ARHGAP42: variants seen among roughly 807,000 people sequenced by gnomAD.
ARHGAP42 encodes the protein rho GTPase-activating protein 42.
ARHGAP42 carries 63 observed loss-of-function variants against 125.0 expected under a neutral mutation model. The ratio of observed to expected loss-of-function variants is 0.50; its 90% confidence interval spans 0.41 to 0.62. The LOEUF is 0.62. ARHGAP42 is among the 20% of genes least tolerant of loss of function. The pLI is 0.00. For missense variants in ARHGAP42, 766 were observed against 1,024.2 expected, an observed-to-expected ratio of 0.75 and a Z score of 3.44; for synonymous variants, 339 against 351.0, an observed-to-expected ratio of 0.97 and a Z score of 0.38.
At chr11:100,910,034 G>T (rs1866866382) in intron 4 of ARHGAP42, among the ~76,000 whole-genome samples, 1 of 152,104 alleles carries the variant, frequency 6.6e-6, no homozygotes, top group Non-Finnish European at 1.5e-5. Flanking sequence ...GTTATTGTTG[G>T]TAAGTAATAA....
At chr11:100,752,116 T>C (rs1338958168) in intron 1 of ARHGAP42, among the ~76,000 whole-genome samples, 2 of 152,052 alleles carry the variant, frequency 1.3e-5, no homozygotes, top group African/African-American at 4.8e-5. Context: ...GAAATGTTGA[T>C]GTTCCAACCA....
chr11:100,872,522 A>G (rs1378800248), intron 4 of ARHGAP42, among the ~76,000 whole-genome samples: 1 of 151,956 alleles, frequency 6.6e-6, no homozygotes, highest in African/African-American at 2.4e-5. Context: ...CAGCTTCCCA[A>G]GTAGCTGGTA....
intron 1 of ARHGAP42, among the ~76,000 whole-genome samples, chr11:100,718,274 C>T (rs1861700460): frequency 6.6e-6 from 1 of 152,132 alleles, no homozygotes; most frequent in Non-Finnish European, 1.5e-5. Context: ...ACTTGGCCAG[C>T]CCCATTGTGA....
chr11:100,751,619 T>G, intron 1 of ARHGAP42, among the ~76,000 whole-genome samples: 1 of 151,542 alleles, frequency 6.6e-6, no homozygotes. Context: ...TTGACAGAGG[T>G]AGCAGCTGGG....
chr11:100,931,715 T>G lies in ARHGAP42; in HGVS notation c.598-1441T>G, dbSNP rs142353399. Among the ~76,000 whole-genome samples, 674 of 152,268 alleles carry G rather than the reference T, an allele frequency of 4.4e-3. 6 individuals are homozygous for G. The highest frequency in any genetic ancestry group is 0.015 in the African/African-American group (643 of 41,546). ...TCAGAAGACTACTGTTTTATATATT[T>G]CAAAAATGTTTTCTTTTCTCTCTGA... is the stretch of plus-strand genomic sequence containing the variant. On this transcript the variant is annotated intron_variant, in intron 6 of 23. Coordinates refer to ENST00000298815, the MANE Select transcript of ARHGAP42 (RefSeq NM_152432.4).
intron 1 of ARHGAP42, among the ~76,000 whole-genome samples, chr11:100,693,323 T>A (rs954056672): frequency 4.4e-4 from 67 of 152,318 alleles, no homozygotes; most frequent in African/African-American, 1.5e-3. Flanking sequence ...ATCATTAGAA[T>A]TTAAGTTAAA....
At chr11:100,748,388 G>C (rs1380254596) in intron 1 of ARHGAP42, among the ~76,000 whole-genome samples, 1 of 152,172 alleles carries the variant, frequency 6.6e-6, no homozygotes, top group African/African-American at 2.4e-5. Context: ...CGACTGTCCT[G>C]AAGGGAGTTC....
At chr11:100,687,883 G>A in intron 1 of ARHGAP42, 51 bp downstream of exon 1, 7 of 1,494,148 alleles carry the variant, frequency 4.7e-6, no homozygotes, top group Non-Finnish European at 6.3e-6. Flanking sequence ...GAGTCCCCGC[G>A]GGGTGCGGGT....
intron 2 of ARHGAP42, among the ~76,000 whole-genome samples, chr11:100,779,535 T>TATATACGTATAC (rs1863232071): frequency 3.0e-5 from 4 of 134,508 alleles, no homozygotes; most frequent in African/African-American, 5.6e-5. Context: ...CATGCGTATA[T>TATATACGTATAC]ATACGTATAT....
At chr11:100,706,114 G>A (rs1591118276) in intron 1 of ARHGAP42, among the ~76,000 whole-genome samples, 1 of 151,896 alleles carries the variant, frequency 6.6e-6, no homozygotes, top group Non-Finnish European at 1.5e-5. Flanking sequence ...CACGTAGCTG[G>A]GACTACAGGC....
chr11:100,779,122 A>T (rs1863204347), intron 2 of ARHGAP42, among the ~76,000 whole-genome samples: 1 of 152,082 alleles, frequency 6.6e-6, no homozygotes, highest in African/African-American at 2.4e-5. Flanking sequence ...ACTTTAGGGT[A>T]AATAGAATTT....
At chr11:100,943,160 CT>C (rs1200419802) in intron 9 of ARHGAP42, among the ~76,000 whole-genome samples, 4 of 151,666 alleles carry the variant, frequency 2.6e-5, no homozygotes, top group Non-Finnish European at 4.4e-5. Flanking sequence ...AAAGTAATTG[CT>C]TTTTTTCCCA....
At chr11:100,834,083 C>T (rs1864725724) in intron 3 of ARHGAP42, among the ~76,000 whole-genome samples, 1 of 152,068 alleles carries the variant, frequency 6.6e-6, no homozygotes, top group Admixed American at 6.6e-5. Context: ...GTTGTTAGCA[C>T]TTCACATATG....
At chr11:100,723,279 TA>T (rs1259333880) in intron 1 of ARHGAP42, among the ~76,000 whole-genome samples, 22 of 152,332 alleles carry the variant, frequency 1.4e-4, no homozygotes, top group Admixed American at 4.6e-4. Flanking sequence ...CGCCTTTCAG[TA>T]AACTCCAGAA....
Position 100,837,519 on chromosome 11 carries a change from G to C in ARHGAP42, c.313-22035G>C, listed in dbSNP as rs557938176. On this transcript the variant is annotated intron_variant, in intron 3 of 23. Coordinates refer to ENST00000298815, the MANE Select transcript of ARHGAP42 (RefSeq NM_152432.4). Reference sequence around the variant, plus strand: ...AGCAAATACACAAGGAATGAGTGCAGGCATGCTCAAAAGAATGGGCTGCCT... The same window carrying C: ...AGCAAATACACAAGGAATGAGTGCACGCATGCTCAAAAGAATGGGCTGCCT... Among the ~76,000 whole-genome samples, 9 of 151,950 alleles carry C rather than the reference G, an allele frequency of 5.9e-5. No individual in the cohort carries two copies. In the South Asian group the frequency reaches 1.0e-3, roughly 18 times the overall value.
chr11:100,757,164 T>C (rs1229345112), intron 1 of ARHGAP42, among the ~76,000 whole-genome samples: 1 of 152,184 alleles, frequency 6.6e-6, no homozygotes, highest in Non-Finnish European at 1.5e-5. Flanking sequence ...ATGAAAATTA[T>C]AAATGATATG....
At chr11:100,899,726 T>TG (rs377616084) in intron 4 of ARHGAP42, among the ~76,000 whole-genome samples, 12,927 of 88,074 alleles carry the variant, frequency 0.15, 838 homozygotes, top group African/African-American at 0.17. Context: ...TGTTTTGTTT[T>TG]TTTTTTTGTT....
chr11:100,826,889 A>C (rs1199780764), intron 3 of ARHGAP42, among the ~76,000 whole-genome samples: 2 of 152,172 alleles, frequency 1.3e-5, no homozygotes, highest in Non-Finnish European at 2.9e-5. Context: ...ATATTTGCAA[A>C]AGTTAATTAC....
At chr11:100,740,110 G>A (rs1862153192) in intron 1 of ARHGAP42, among the ~76,000 whole-genome samples, 1 of 147,706 alleles carries the variant, frequency 6.8e-6, no homozygotes, top group African/African-American at 2.5e-5. Flanking sequence ...AAGCTTGCCT[G>A]TGTATGTTCA....
Sources: gnomAD v4.1 joint callset for allele counts (sites outside exome capture counted in the v4.1 genomes callset) on GRCh38, gnomAD v4.1.1 for gene constraint, MANE v1.5 for transcripts, NCBI Gene and HGNC (gene_info 2026-07-23, HGNC 2026-07-21) for gene names.